The following VOPP1 variants were observed in gnomAD, a reference collection of about 807,000 sequenced individuals.
VOPP1 encodes the protein WW domain binding protein VOPP1.
VOPP1 carries 8 observed loss-of-function variants against 23.5 expected under a neutral mutation model. The ratio of observed to expected loss-of-function variants is 0.34; its 90% CI spans 0.20 to 0.61. VOPP1 has a LOEUF of 0.61. VOPP1 is among the 20% of genes least tolerant of loss of function. The probability of loss-of-function intolerance (pLI) is 0.78; values close to 1 mark genes in which losing one functional copy is unlikely to be tolerated. For synonymous variants in VOPP1, 83 were observed against 97.3 expected (o/e 0.85, Z 0.86); for missense variants, 174 against 238.1 (o/e 0.73, Z 1.77).
chr7:55,561,748 CA>C (rs372739310), intron 1 of VOPP1: 29,044 of 297,322 alleles, frequency 0.098, no homozygotes, highest in South Asian at 0.13. Context: ...TCCCCTCTTC[CA>C]AAAAAAAAAA....
At chr7:55,518,721 A>G (rs535395325) in intron 2 of VOPP1, among the ~76,000 whole-genome samples, 1 of 152,364 alleles carries the variant, frequency 6.6e-6, no homozygotes, top group Non-Finnish European at 1.5e-5. Context: ...TGGGAAGCCA[A>G]GTATTTATAA....
chr7:55,496,509 T>A (rs1052836070), intron 3 of VOPP1, among the ~76,000 whole-genome samples: 1 of 152,168 alleles, frequency 6.6e-6, no homozygotes, highest in African/African-American at 2.4e-5. Flanking sequence ...AGCTCCCTTG[T>A]TAGGGGGGTA....
chr7:55,473,118 G>C, intron 4 of VOPP1, 73 bp from the exon 5 acceptor site: 1 of 1,538,430 alleles, frequency 6.5e-7, no homozygotes, highest in Non-Finnish European at 8.7e-7. Flanking sequence ...GCAGGCTGCA[G>C]GGCCAGCAGA....
chr7:55,450,437 T>C (rs1010268463), intron 4 of VOPP1, among the ~76,000 whole-genome samples: 1 of 152,196 alleles, frequency 6.6e-6, no homozygotes, highest in African/African-American at 2.4e-5. Context: ...CCAGCTCTTA[T>C]AGCCCTTGAA....
intron 3 of VOPP1, among the ~76,000 whole-genome samples, chr7:55,496,253 G>T (rs999611480): frequency 6.6e-6 from 1 of 152,192 alleles, no homozygotes; most frequent in Non-Finnish European, 1.5e-5. Flanking sequence ...ACAGTTCAGG[G>T]TTTCACACTC....
At chr7:55,537,164 G>A (rs1198691237) in intron 1 of VOPP1, among the ~76,000 whole-genome samples, 1 of 152,084 alleles carries the variant, frequency 6.6e-6, no homozygotes, top group Non-Finnish European at 1.5e-5. Flanking sequence ...CTGCCCCTCC[G>A]TCCCGGCAGC....
At chr7:55,485,829 C>A (rs959970343) in intron 4 of VOPP1, among the ~76,000 whole-genome samples, 1 of 152,250 alleles carries the variant, frequency 6.6e-6, no homozygotes, top group Non-Finnish European at 1.5e-5. Context: ...CCACATTTTC[C>A]CTCATCCGCC....
intron 4 of VOPP1, among the ~76,000 whole-genome samples, chr7:55,455,698 G>A (rs567784286): frequency 1.3e-5 from 2 of 152,280 alleles, no homozygotes; most frequent in Admixed American, 6.5e-5. Context: ...AATAAGCAAT[G>A]GGGAAAGGAT....
chr7:55,497,570 G>GGC, intron 3 of VOPP1, 43 bp downstream of exon 3: 4 of 1,220,560 alleles, frequency 3.3e-6, no homozygotes, highest in Non-Finnish European at 4.6e-6. Context: ...GGGGGGGGGG[G>GGC]CAGAGCTCTC....
Position 55,483,842 on chromosome 7 carries a change from C to T in VOPP1, c.328+8440G>A, listed in dbSNP as rs111271099. Among the ~76,000 whole-genome samples, 202 of 152,312 alleles carry T rather than the reference C, an allele frequency of 1.3e-3. 1 individual carries two copies. The highest frequency in any genetic ancestry group is 4.6e-3 in the African/African-American group (191 of 41,570). ...AGTGCGATCAGATCATTGCAACCTC[C>T]GCCTCCTGGGTTCAAGCAATTCTCC... On this transcript the variant is annotated intron_variant, in intron 4 of 4. Transcript: ENST00000285279.
rs977502889 is a variant in VOPP1, at chr7:55,517,116, A to ATT, written c.113+3954_113+3955dup. On this transcript the variant is annotated intron_variant, in intron 2 of 4. Transcript: ENST00000285279. ...TACCATGTCCAGCTAATATATATATATTTTTTTATTTTAGTAGAGACGGGG... is the reference window on the plus strand; with the variant it reads ...TACCATGTCCAGCTAATATATATATATTTTTTTTTATTTTAGTAGAGACGGGG... Among the ~76,000 whole-genome samples the ATT allele has an allele frequency of 6.0e-5, 9 of 149,266 alleles. No individual in the cohort carries two copies. In the South Asian group the frequency reaches 1.7e-3, roughly 28 times the overall value.
In VOPP1 at chr7:55,497,767, T is replaced by C. The variant is rs1215584286; in HGVS notation, c.114-77A>G. Reference sequence around the variant, plus strand: ...ACCAGCCATGCGGCCCAGGCTGGGCTTCAATGTAATCATTCTTGAAGGAAG... The same window carrying C: ...ACCAGCCATGCGGCCCAGGCTGGGCCTCAATGTAATCATTCTTGAAGGAAG... On this transcript the variant is annotated intron_variant, in intron 2 of 4. Transcript: ENST00000285279. The C allele has an allele frequency of 2.4e-6, 3 of 1,247,108 alleles. No homozygotes were observed. In the East Asian group the frequency reaches 7.0e-5, roughly 29 times the overall value. The allele number at this position is 1,247,108 out of a possible 1,614,324, so 77.3% of individuals were successfully genotyped here.
intron 4 of VOPP1, among the ~76,000 whole-genome samples, chr7:55,478,989 G>T (rs1418000005): frequency 6.6e-6 from 1 of 152,174 alleles, no homozygotes; most frequent in African/African-American, 2.4e-5. Flanking sequence ...AAGGAGCCCG[G>T]CCCGAGGATG....
chr7:55,487,933 A>C (rs1793265810), intron 4 of VOPP1, among the ~76,000 whole-genome samples: 1 of 151,774 alleles, frequency 6.6e-6, no homozygotes, highest in Admixed American at 6.6e-5. Flanking sequence ...CATTTTCTCC[A>C]CCGTTCTACA....
chr7:55,558,946 T>C (rs555080243), intron 1 of VOPP1, among the ~76,000 whole-genome samples: 124 of 152,324 alleles, frequency 8.1e-4, no homozygotes, highest in African/African-American at 2.8e-3. Flanking sequence ...AGCGACAAGA[T>C]AGCCTCACTG....
At chr7:55,466,382 T>G (rs566810863), downstream of VOPP1, among the ~76,000 whole-genome samples, 1 of 152,272 alleles carries the variant, frequency 6.6e-6, no homozygotes, top group African/African-American at 2.4e-5. Context: ...GAGGGACTCC[T>G]CTCCCCTCCT....
At chr7:55,465,513 C>T (rs182575531) in intron 4 of VOPP1, among the ~76,000 whole-genome samples, 85 of 152,294 alleles carry the variant, frequency 5.6e-4, no homozygotes, top group Non-Finnish European at 1.0e-3. Flanking sequence ...ACTCCTCTGA[C>T]GATACCACAG....
downstream of VOPP1, among the ~76,000 whole-genome samples, chr7:55,468,360 G>A (rs1791688705): frequency 2.0e-5 from 3 of 152,082 alleles, no homozygotes; most frequent in South Asian, 6.2e-4. Flanking sequence ...GGCCTTTGGA[G>A]CCCACAGCTC....
At chr7:55,549,232 A>G (rs2129053201) in intron 1 of VOPP1, among the ~76,000 whole-genome samples, 1 of 152,314 alleles carries the variant, frequency 6.6e-6, no homozygotes, top group East Asian at 1.9e-4. Flanking sequence ...GAAAGCATCC[A>G]AGGGCCATTT....
Sources: allele counts gnomAD v4.1 joint callset (sites outside exome capture counted in the v4.1 genomes callset), GRCh38; gene constraint gnomAD v4.1.1; transcripts MANE v1.5; gene names NCBI Gene and HGNC (gene_info 2026-07-23, HGNC 2026-07-21).